DDR2: variants seen among roughly 807,000 people sequenced by gnomAD.
DDR2 encodes the protein discoidin domain receptor tyrosine kinase 2.
A neutral mutation model predicts 94.9 loss-of-function variants in DDR2; 27 were observed. That is an observed-to-expected ratio of 0.28 (90% CI 0.21 to 0.39). DDR2 has a LOEUF of 0.39. DDR2 is among the 10% of genes least tolerant of loss of function. The probability of loss-of-function intolerance (pLI) is 1.00; values close to 1 mark genes in which losing one functional copy is unlikely to be tolerated. For synonymous variants in DDR2, 382 were observed against 377.2 expected (o/e 1.01, Z -0.15); for missense variants, 783 against 1,076.0 (o/e 0.73, Z 3.81).
chr1:162,763,974 C>T (rs1363225117), intron 9 of DDR2, among the ~76,000 whole-genome samples: 1 of 152,130 alleles, frequency 6.6e-6, no homozygotes, highest in Non-Finnish European at 1.5e-5. Context: ...AACTATTGAA[C>T]ATTAAGATTT....
chr1:162,658,823 T>C (rs1658151137), intron 2 of DDR2, among the ~76,000 whole-genome samples: 1 of 11,156 alleles, frequency 9.0e-5, no homozygotes, highest in Non-Finnish European at 5.0e-4. Context: ...TGAGACCCTG[T>C]CTCAAAAAAT....
At chr1:162,769,514 CA>C (rs985453297) in intron 11 of DDR2, among the ~76,000 whole-genome samples, 9 of 152,314 alleles carry the variant, frequency 5.9e-5, no homozygotes, top group South Asian at 2.1e-4. Context: ...ATTACTGCAA[CA>C]AAAGACCTTC....
intron 3 of DDR2, among the ~76,000 whole-genome samples, chr1:162,732,217 A>T (rs1558052508): frequency 6.6e-6 from 1 of 152,188 alleles, no homozygotes; most frequent in Non-Finnish European, 1.5e-5. Context: ...ATACCCAAAG[A>T]ATAGCCCTGT....
intron 3 of DDR2, among the ~76,000 whole-genome samples, chr1:162,724,800 A>G (rs1316104643): frequency 6.6e-6 from 1 of 152,022 alleles, no homozygotes; most frequent in Non-Finnish European, 1.5e-5. Context: ...AGTGTGTGTT[A>G]GACAGCCTGA....
chr1:162,634,430 A>G (rs750351109), intron 1 of DDR2, among the ~76,000 whole-genome samples: 5 of 152,240 alleles, frequency 3.3e-5, no homozygotes, highest in African/African-American at 4.8e-5. Context: ...GCTGAAGGCT[A>G]TCAAGGGCTT....
chr1:162,760,060 A>T (rs1415079976), intron 8 of DDR2, 81 bp downstream of exon 8: 31 of 1,590,000 alleles, frequency 1.9e-5, no homozygotes, highest in Non-Finnish European at 2.6e-5. Context: ...GCTAGAAAAA[A>T]GTCTAGGCTG....
At chr1:162,734,082 A>G (rs2102066958) in intron 3 of DDR2, among the ~76,000 whole-genome samples, 1 of 152,378 alleles carries the variant, frequency 6.6e-6, no homozygotes, top group African/African-American at 2.4e-5. Context: ...TTACTACTGT[A>G]TCTTCAGAAG....
rs900392384 is a variant in DDR2 at position 162,782,843 on chromosome 1, G to T, written c.*2597G>T. The T allele has an allele frequency of 6.6e-6, 1 of 152,012 alleles. No individual in the cohort carries two copies. The highest frequency in any genetic ancestry group is 1.5e-5 in the Non-Finnish European group (1 of 68,000). The allele number at this position is 152,012 out of a possible 1,614,324, so 9.4% of individuals were successfully genotyped here. The stretch of plus-strand genomic sequence containing the variant: ...TATGTTTCAGATGGCTGCCCAATAT[G>T]TATTATCATGTAATACATATCTGTG... On this transcript the variant is annotated 3_prime_UTR_variant, in exon 18 of 18. Coordinates refer to ENST00000367921, the MANE Select transcript of DDR2 (RefSeq NM_006182.4).
intron 3 of DDR2, among the ~76,000 whole-genome samples, chr1:162,719,958 C>T (rs1316905777): frequency 6.6e-6 from 1 of 152,032 alleles, no homozygotes; most frequent in East Asian, 1.9e-4. Context: ...GGTATGTTTT[C>T]CTGGAAATTG....
rs1013507657 is a variant in DDR2 at position 162,780,624 on chromosome 1, C to G, written c.*378C>G. On this transcript the variant is annotated 3_prime_UTR_variant, in exon 18 of 18. Coordinates refer to ENST00000367921, the MANE Select transcript of DDR2 (RefSeq NM_006182.4). ...TTTTTCCATGTCATTCTAAAAGAAT[C>G]TTCAGAAAGAAAAACTTGAAGAATA... The G allele has an allele frequency of 5.1e-6, 1 of 194,740 alleles. No individual in the cohort carries two copies. The highest frequency in any genetic ancestry group is 2.4e-5 in the African/African-American group (1 of 42,186). The allele number at this position is 194,740 out of a possible 1,614,324, so 12.1% of individuals were successfully genotyped here.
At chr1:162,650,730 T>A (rs1286492750) in intron 1 of DDR2, among the ~76,000 whole-genome samples, 1 of 152,024 alleles carries the variant, frequency 6.6e-6, no homozygotes, top group Non-Finnish European at 1.5e-5. Context: ...TCCACATTAT[T>A]ATTATTATTT....
intron 11 of DDR2, 142 bp from the exon 12 acceptor site, chr1:162,770,160 A>C: frequency 1.2e-6 from 1 of 823,440 alleles, no homozygotes; most frequent in Middle Eastern, 3.3e-4. Flanking sequence ...ACCAGACTGC[A>C]TTCCTAGCAC....
intron 2 of DDR2, among the ~76,000 whole-genome samples, chr1:162,680,443 T>C (rs1420110765): frequency 6.6e-6 from 1 of 152,254 alleles, no homozygotes; most frequent in African/African-American, 2.4e-5. Flanking sequence ...CAGATGGTTG[T>C]AAGTATGCAG....
At chr1:162,736,212 A>G (rs368148871) in intron 3 of DDR2, among the ~76,000 whole-genome samples, 76 of 152,256 alleles carry the variant, frequency 5.0e-4, no homozygotes, top group African/African-American at 1.7e-3. Flanking sequence ...ACAAACATGT[A>G]TTCTAAAACC....
intron 2 of DDR2, among the ~76,000 whole-genome samples, chr1:162,688,451 G>A (rs1266878125): frequency 6.6e-6 from 1 of 152,236 alleles, no homozygotes; most frequent in Admixed American, 6.5e-5. Context: ...CTGAGGCACA[G>A]AGATGTTAAG....
chr1:162,718,917 C>CA (rs1445414399), intron 2 of DDR2, 120 bp from the exon 3 acceptor site: 1 of 1,011,620 alleles, frequency 9.9e-7, no homozygotes, highest in Non-Finnish European at 1.5e-6. Context: ...TATATAAAAA[C>CA]AAACACTGCA....
intron 2 of DDR2, among the ~76,000 whole-genome samples, chr1:162,668,412 G>T (rs1424183676): frequency 6.6e-6 from 1 of 152,212 alleles, no homozygotes; most frequent in African/African-American, 2.4e-5. Context: ...ACTGTAACAA[G>T]TGATCACAAA....
intron 1 of DDR2, among the ~76,000 whole-genome samples, chr1:162,632,939 T>A (rs1656631459): frequency 6.6e-6 from 1 of 152,140 alleles, no homozygotes. Flanking sequence ...GAGTTGAAAT[T>A]GTTGGCAGGC....
rs1268092901 is a variant in DDR2 at position 162,719,087 on chromosome 1, C to G, written c.24C>G (p.Leu8=). Residue 8 remains leucine (L), a synonymous_variant, in exon 3 of 18, where the codon CTC becomes CTG. Transcript: ENST00000367921. MILIPRM[L]LVLFLLLPIL... is the part of the protein sequence containing the mutation. ...AGATGATCCTGATTCCCAGAATGCT[C>G]TTGGTGCTGTTCCTGCTGCTGCCTA... 4.3e-6 allele frequency: 7 copies of G among 1,613,892 alleles called. No homozygotes were observed. Among genetic ancestry groups the G allele is most frequent in the East Asian group, 4.5e-5 (2 of 44,872 alleles).
Sources: gnomAD v4.1 joint callset for allele counts (sites outside exome capture counted in the v4.1 genomes callset) on GRCh38, gnomAD v4.1.1 for gene constraint, MANE v1.5 for transcripts, NCBI Gene and HGNC (gene_info 2026-07-23, HGNC 2026-07-21) for gene names.